Variants in ARHGEF33 observed in about 807,000 individuals in gnomAD.
ARHGEF33 encodes Rho guanine nucleotide exchange factor 33.
In ARHGEF33, 72 loss-of-function variants were observed where a neutral mutation model predicts 101.9. The ratio of observed to expected loss-of-function variants is 0.71; its 90% confidence interval spans 0.58 to 0.86. The LOEUF is 0.86. ARHGEF33 is among the 40% of genes least tolerant of loss of function. ARHGEF33 has a pLI of 0.00. For missense variants in ARHGEF33, 1,169 were observed against 1,111.3 expected (o/e 1.05, Z -0.74); for synonymous variants, 499 against 442.5 (o/e 1.13, Z -1.60).
intron 1 of ARHGEF33, among the ~76,000 whole-genome samples, chr2:38,894,026 A>G (rs761784050): frequency 6.6e-6 from 1 of 152,186 alleles, no homozygotes; most frequent in Non-Finnish European, 1.5e-5. Flanking sequence ...ACTTTCCAGA[A>G]TTAAAAATCG....
intron 9 of ARHGEF33, among the ~76,000 whole-genome samples, chr2:38,940,035 T>C (rs944662017): frequency 6.6e-6 from 1 of 152,244 alleles, no homozygotes; most frequent in African/African-American, 2.4e-5. Context: ...TCCAGTTGTT[T>C]CAGCATCATT....
In ARHGEF33 at chr2:38,953,237, CT is replaced by C; in HGVS notation, c.1130del (p.Leu377ArgfsTer19). 6.6e-7 allele frequency: 1 copy of C among 1,525,492 alleles called. No individual in the cohort carries two copies. Among genetic ancestry groups the C allele is most frequent in the Non-Finnish European group, 8.9e-7 (1 of 1,122,860 alleles). 94.5% of individuals were successfully genotyped at this position (1,525,492 alleles called of 1,614,324 possible). ...CATCTCATTGGTTCATGTTGTAGTC[CT>C]GAAAGAGGTGAGTTAACGCCATATA... ...ECISLVHVVV[L>X]KEGDEEIKSD... On this transcript the variant is annotated frameshift_variant, in exon 12 of 18. Transcript: ENST00000409978. LOFTEE classifies it high-confidence loss of function.
In ARHGEF33 at chr2:38,951,156, T is replaced by TA; in HGVS notation, c.1053+36dup. 1.9e-6 allele frequency: 3 copies of TA among 1,543,830 alleles called. No homozygotes were observed. The East Asian group carries it at 7.3e-5, about 38-fold the overall frequency. Reference sequence around the variant, plus strand: ...TTTCTGCCCCTCTATACATTTTACTTATACGGATTTGTGTCTCATTTGTCT... The same window carrying TA: ...TTTCTGCCCCTCTATACATTTTACTTAATACGGATTTGTGTCTCATTTGTCT... On this transcript the variant is annotated intron_variant, in intron 11 of 17. Transcript: ENST00000409978.
intron 2 of ARHGEF33, among the ~76,000 whole-genome samples, chr2:38,896,392 C>T (rs1666123098): frequency 6.6e-6 from 1 of 152,216 alleles, no homozygotes; most frequent in Non-Finnish European, 1.5e-5. Context: ...CCTGCCTTGG[C>T]CTCCGAAAGT....
chr2:38,954,466 G>A lies in ARHGEF33; in HGVS notation c.1221+10G>A. 1 of 1,537,280 alleles carries A rather than the reference G, an allele frequency of 6.5e-7. No homozygotes were observed. The highest frequency in any genetic ancestry group is 8.8e-7 in the Non-Finnish European group (1 of 1,134,120). On this transcript the variant is annotated intron_variant, in intron 13 of 17. Coordinates refer to ENST00000409978, the MANE Select transcript of ARHGEF33 (RefSeq NM_001145451.5). ...TCTGATACATCTGCAGGTAGGCATGGGTGGGAAAGCCACCAAACTGATTTG... is the reference window on the plus strand; with the variant it reads ...TCTGATACATCTGCAGGTAGGCATGAGTGGGAAAGCCACCAAACTGATTTG...
chr2:38,913,059 C>G (rs1165588715), intron 2 of ARHGEF33, among the ~76,000 whole-genome samples: 2 of 139,998 alleles, frequency 1.4e-5, no homozygotes, highest in African/African-American at 2.7e-5. Context: ...TTTTTTGAGA[C>G]AGGATCTTGC....
intron 2 of ARHGEF33, among the ~76,000 whole-genome samples, chr2:38,901,999 C>T (rs1370736317): frequency 6.6e-6 from 1 of 152,008 alleles, no homozygotes; most frequent in Non-Finnish European, 1.5e-5. Flanking sequence ...CCTGTAGTCC[C>T]AGCTACTCGG....
intron 2 of ARHGEF33, among the ~76,000 whole-genome samples, chr2:38,901,330 C>T (rs1328401307): frequency 2.0e-5 from 3 of 152,156 alleles, no homozygotes; most frequent in African/African-American, 7.2e-5. Flanking sequence ...GCTCCTTCAT[C>T]CCGCTCTAAC....
intron 10 of ARHGEF33, among the ~76,000 whole-genome samples, chr2:38,945,100 A>G (rs950152239): frequency 6.6e-6 from 1 of 152,206 alleles, no homozygotes; most frequent in Non-Finnish European, 1.5e-5. Flanking sequence ...AGAAAAGGCC[A>G]ATCCAAAAGA....
chr2:38,927,418 G>T (rs541508532), intron 4 of ARHGEF33, among the ~76,000 whole-genome samples: 1 of 152,172 alleles, frequency 6.6e-6, no homozygotes, highest in African/African-American at 2.4e-5. Flanking sequence ...ACTTGAGGCC[G>T]GGCACAGTGG....
intron 16 of ARHGEF33, among the ~76,000 whole-genome samples, chr2:38,961,048 T>A (rs770875245): frequency 3.1e-4 from 47 of 152,112 alleles, no homozygotes; most frequent in Middle Eastern, 6.8e-3. Flanking sequence ...CGCACGCAGG[T>A]CCCGGGCCAG....
At position 38,911,517 on chromosome 2, in the gene ARHGEF33, C is replaced by T. The variant is rs558560362; in HGVS notation, c.-85-7846C>T. On this transcript the variant is annotated intron_variant, in intron 2 of 17. Coordinates refer to ENST00000409978, the MANE Select transcript of ARHGEF33 (RefSeq NM_001145451.5). ...GTGTGTATATGGGGAGGAGGGTACACGTTCTAGGTCAGTCTAGGGGAGGGT... is the reference window on the plus strand; with the variant it reads ...GTGTGTATATGGGGAGGAGGGTACATGTTCTAGGTCAGTCTAGGGGAGGGT... Among the ~76,000 whole-genome samples, 11 of 152,224 alleles carry T rather than the reference C, an allele frequency of 7.2e-5. No homozygotes were observed. The South Asian group carries it at 1.2e-3, about 17-fold the overall frequency.
rs190456500 is a variant in ARHGEF33, at chr2:38,928,591, T to A, written c.76-316T>A. Among the ~76,000 whole-genome samples the A allele has an allele frequency of 1.3e-3, 202 of 152,352 alleles. 2 individuals carry two copies. The highest frequency in any genetic ancestry group is 4.8e-3 in the African/African-American group (200 of 41,584). On this transcript the variant is annotated intron_variant, in intron 4 of 17. Transcript: ENST00000409978. The stretch of plus-strand genomic sequence containing the variant: ...GATCAAGATTCACATACATGTTTCT[T>A]TTCAAGCAAATCTCATTTTAATCAA...
intron 10 of ARHGEF33, among the ~76,000 whole-genome samples, chr2:38,944,618 C>A (rs1035743675): frequency 1.3e-5 from 2 of 152,142 alleles, no homozygotes; most frequent in Non-Finnish European, 2.9e-5. Flanking sequence ...AGTATAGTCT[C>A]CTGGGCCTTC....
rs1423894689 is a variant in ARHGEF33 at position 38,937,352 on chromosome 2, C to T, written c.583C>T (p.Pro195Ser). Residue 195 changes from proline (P) to serine (S), a missense_variant, in exon 9 of 18, where the codon CCA (proline) becomes TCA (serine). Physicochemically the swap from Pro to Ser is moderately conservative, Grantham distance 74. Coordinates refer to ENST00000409978, the MANE Select transcript of ARHGEF33 (RefSeq NM_001145451.5). ...CCCACCAGGAGTGAACCCAACAACT[C>T]CAGAAGCAGAAGAAAACCTCAAGTC... is the stretch of plus-strand genomic sequence containing the variant. Reference protein sequence around the residue: ...MMGPGVNPTTPEAEENLKSCL... With the variant: ...MMGPGVNPTTSEAEENLKSCL... The T allele has an allele frequency of 3.4e-6, 4 of 1,161,676 alleles. No individual in the cohort carries two copies. Among genetic ancestry groups the T allele is most frequent in the Admixed American group, 2.4e-5 (1 of 40,986 alleles). The allele number at this position is 1,161,676 out of a possible 1,614,324, so 72.0% of individuals were successfully genotyped here. A position where few individuals can be genotyped will look rare whatever the true frequency, so the allele number is the denominator to read the frequency against.
In ARHGEF33 at chr2:38,974,580, G is replaced by T. The variant is rs543580032; in HGVS notation, c.*737G>T. 6.6e-6 allele frequency: 1 copy of T among 152,208 alleles called. No homozygotes were observed. Among genetic ancestry groups the T allele is most frequent in the African/African-American group, 2.4e-5 (1 of 41,450 alleles). 9.4% of individuals were successfully genotyped at this position (152,208 alleles called of 1,614,324 possible). A position where few individuals can be genotyped will look rare whatever the true frequency, so the allele number is the denominator to read the frequency against. On this transcript the variant is annotated 3_prime_UTR_variant, in exon 18 of 18. Transcript: ENST00000409978. ...CCTTGTGTGGGTTGAGCTGAGGATGGAAACAGTCCAGTCTGTGTTTTATTG... is the reference window on the plus strand; with the variant it reads ...CCTTGTGTGGGTTGAGCTGAGGATGTAAACAGTCCAGTCTGTGTTTTATTG...
intron 1 of ARHGEF33, among the ~76,000 whole-genome samples, chr2:38,893,658 C>T (rs1666056790): frequency 6.6e-6 from 1 of 152,172 alleles, no homozygotes; most frequent in Non-Finnish European, 1.5e-5. Context: ...ATCTTCCCTT[C>T]TAGACTGGAA....
At chr2:38,947,123 C>T (rs1667470470) in intron 10 of ARHGEF33, among the ~76,000 whole-genome samples, 1 of 152,226 alleles carries the variant, frequency 6.6e-6, no homozygotes, top group African/African-American at 2.4e-5. Context: ...CACAAACCTT[C>T]AGCACTTTTT....
chr2:38,919,500 G>C, intron 3 of ARHGEF33, 28 bp downstream of exon 3: 1 of 1,551,254 alleles, frequency 6.4e-7, no homozygotes, highest in Non-Finnish European at 8.7e-7. Context: ...TCTTGCTTTA[G>C]GACTTAGGAT....
Sources: gnomAD v4.1 joint callset for allele counts (sites outside exome capture counted in the v4.1 genomes callset) on GRCh38, gnomAD v4.1.1 for gene constraint, MANE v1.5 for transcripts, NCBI Gene and HGNC (gene_info 2026-07-23, HGNC 2026-07-21) for gene names.